Variants in COA1 observed in about 807,000 individuals in gnomAD.
COA1 encodes cytochrome c oxidase assembly factor 1 homolog.
A neutral mutation model predicts 16.0 loss-of-function variants in COA1; 13 were observed. The ratio of observed to expected loss-of-function variants is 0.81; its 90% CI spans 0.53 to 1.29. The LOEUF is 1.29. COA1 is among the 50% of genes most tolerant of loss of function. The probability of loss-of-function intolerance (pLI) is 0.00; values close to 1 mark genes in which losing one functional copy is unlikely to be tolerated. For missense variants in COA1, 179 were observed against 177.0 expected, an observed-to-expected ratio of 1.01 and a Z score of -0.06; for synonymous variants, 65 against 65.7, an observed-to-expected ratio of 0.99 and a Z score of 0.05.
rs1034513975 is a variant in COA1 at position 43,709,474 on chromosome 7, A to G, written c.-39+19955T>C. On this transcript the variant is annotated intron_variant, in intron 1 of 5. Coordinates refer to ENST00000223336, the MANE Select transcript of COA1 (RefSeq NM_018224.4). ...TGTGTGTGTGTGTGTGTGTGTGTGT[A>G]TACGCATGAACATGCATATATATAA... Among the ~76,000 whole-genome samples, 17 of 119,316 alleles carry G rather than the reference A, an allele frequency of 1.4e-4. No homozygotes were observed. The South Asian group carries it at 1.8e-3, about 13-fold the overall frequency. 78.3% of individuals were successfully genotyped at this position (119,316 alleles called of 152,430 possible).
intron 2 of COA1, 118 bp from the exon 3 acceptor site, chr7:43,647,752 C>T (rs1466806697): frequency 1.1e-5 from 8 of 708,274 alleles, no homozygotes; most frequent in African/African-American, 1.1e-4. Flanking sequence ...GAGGCCAGAC[C>T]GCCCTCCCTC....
chr7:43,637,322 C>T (rs2086060679), downstream of COA1, among the ~76,000 whole-genome samples: 1 of 152,186 alleles, frequency 6.6e-6, no homozygotes, highest in Admixed American at 6.5e-5. Context: ...GCAGCCTCTT[C>T]TATAGTAAAG....
intron 1 of COA1, among the ~76,000 whole-genome samples, chr7:43,724,123 A>G (rs998525613): frequency 2.6e-5 from 4 of 152,198 alleles, no homozygotes; most frequent in African/African-American, 9.7e-5. Context: ...TCCATGCCTA[A>G]ATTACACAAT....
At chr7:43,617,282 A>G (rs976582032) in intron 6 of COA1, among the ~76,000 whole-genome samples, 1 of 152,248 alleles carries the variant, frequency 6.6e-6, no homozygotes, top group Non-Finnish European at 1.5e-5. Flanking sequence ...AGGGGACAAC[A>G]GATCCAATTT....
intron 1 of COA1, among the ~76,000 whole-genome samples, chr7:43,669,866 C>G (rs557998882): frequency 6.6e-6 from 1 of 151,918 alleles, no homozygotes; most frequent in Non-Finnish European, 1.5e-5. Context: ...TTGGTTCACT[C>G]CCTGACGGAA....
rs935476371 is a variant in COA1 at position 43,648,362 on chromosome 7, G to C, written c.15+238C>G. On this transcript the variant is annotated intron_variant, in intron 2 of 5. Transcript: ENST00000223336. ...CAACAGGGTGAGGCAGCCAGACTGGGTTATGGAGAGGTTCCCAGAGTGTTA... is the reference window on the plus strand; with the variant it reads ...CAACAGGGTGAGGCAGCCAGACTGGCTTATGGAGAGGTTCCCAGAGTGTTA... The C allele has an allele frequency of 4.1e-5, 25 of 605,508 alleles. 1 individual carries two copies. In the South Asian group the frequency reaches 4.9e-4, roughly 12 times the overall value. 37.5% of individuals were successfully genotyped at this position (605,508 alleles called of 1,614,324 possible).
intron 1 of COA1, among the ~76,000 whole-genome samples, chr7:43,713,115 C>G (rs1285807552): frequency 6.6e-6 from 1 of 152,084 alleles, no homozygotes; most frequent in Non-Finnish European, 1.5e-5. Flanking sequence ...CCATGCCTGG[C>G]TAATTTTTGT....
chr7:43,634,555 T>G (rs2085551763), downstream of COA1, among the ~76,000 whole-genome samples: 1 of 152,176 alleles, frequency 6.6e-6, no homozygotes, highest in Non-Finnish European at 1.5e-5. Flanking sequence ...GGGGTGGGCC[T>G]CATTACCATC....
chr7:43,712,488 T>C (rs1222240929), intron 1 of COA1, among the ~76,000 whole-genome samples: 6 of 152,196 alleles, frequency 3.9e-5, no homozygotes, highest in Non-Finnish European at 8.8e-5. Flanking sequence ...TCCAAAGTCA[T>C]TCTGATTCCT....
chr7:43,691,257 AAAGAAAGAAAAGAAAGAAAGAAAGAAAG>A (rs2094278890), intron 1 of COA1, among the ~76,000 whole-genome samples: 1 of 31,846 alleles, frequency 3.1e-5, no homozygotes, highest in African/African-American at 2.4e-4. Context: ...TCAAAAAAAG[AAAGAAAGAAAAGAAAGAAAGAAAGAAAG>A]AAAGAAAGAA....
chr7:43,661,345 G>C (rs1446481288), intron 1 of COA1, among the ~76,000 whole-genome samples: 1 of 152,102 alleles, frequency 6.6e-6, no homozygotes, highest in Non-Finnish European at 1.5e-5. Flanking sequence ...CTAAGAAACA[G>C]ACCTTTCCAG....
chr7:43,697,982 C>T (rs1046068323), intron 1 of COA1, among the ~76,000 whole-genome samples: 7 of 152,084 alleles, frequency 4.6e-5, no homozygotes, highest in Admixed American at 1.3e-4. Flanking sequence ...CATGAGTTTC[C>T]GAATCACAGC....
chr7:43,686,392 C>A (rs941832984), intron 1 of COA1, among the ~76,000 whole-genome samples: 4 of 150,992 alleles, frequency 2.6e-5, no homozygotes, highest in African/African-American at 4.9e-5. Flanking sequence ...CTGCAAGCTC[C>A]GCCTTCCGGG....
intron 1 of COA1, among the ~76,000 whole-genome samples, chr7:43,712,262 A>G (rs1181585): frequency 0.71 from 107,501 of 151,806 alleles, 38,539 homozygotes; most frequent in African/African-American, 0.84. Context: ...ACAGGCGCCC[A>G]CCACCATGCC....
At position 43,644,755 on chromosome 7, in the gene COA1, TAGATAGGC is replaced by T. The variant is rs1198038466; in HGVS notation, c.264+488_264+495del. The stretch of plus-strand genomic sequence containing the variant: ...ATAGATAGATAGATAGATAGATAGA[TAGATAGGC>T]AGGCAGGCAGGCAGGCAGGCAGGCA... On this transcript the variant is annotated intron_variant, in intron 4 of 5. Coordinates refer to ENST00000223336, the MANE Select transcript of COA1 (RefSeq NM_018224.4). 3.8e-3 allele frequency among the ~76,000 whole-genome samples: 436 copies of T among 115,248 alleles called. 4 individuals carry two copies. The highest frequency in any genetic ancestry group is 8.5e-3 in the Middle Eastern group (2 of 236). 75.6% of individuals were successfully genotyped at this position (115,248 alleles called of 152,430 possible). A position where few individuals can be genotyped will look rare whatever the true frequency, so the allele number is the denominator to read the frequency against.
At chr7:43,651,449 A>G (rs893795603) in intron 1 of COA1, among the ~76,000 whole-genome samples, 1 of 152,022 alleles carries the variant, frequency 6.6e-6, no homozygotes, top group African/African-American at 2.4e-5. Context: ...AAAGTACTAA[A>G]CCCTTTCTAG....
chr7:43,657,976 G>C (rs1169822782), intron 1 of COA1, among the ~76,000 whole-genome samples: 1 of 152,124 alleles, frequency 6.6e-6, no homozygotes, highest in Non-Finnish European at 1.5e-5. Flanking sequence ...AGTGAGCCAA[G>C]ATCCTGCCAC....
intron 1 of COA1, among the ~76,000 whole-genome samples, chr7:43,695,221 C>T (rs1277129009): frequency 1.3e-5 from 2 of 150,858 alleles, no homozygotes; most frequent in African/African-American, 4.8e-5. Flanking sequence ...ACTGTTTCCT[C>T]TGCTCAAAAC....
intron 1 of COA1, among the ~76,000 whole-genome samples, chr7:43,722,645 C>T (rs1030977471): frequency 6.9e-6 from 1 of 144,790 alleles, no homozygotes; most frequent in African/African-American, 2.6e-5. Flanking sequence ...TCAAGTGATC[C>T]GACTGCCTTG....
Sources: allele counts gnomAD v4.1 joint callset (sites outside exome capture counted in the v4.1 genomes callset), GRCh38; gene constraint gnomAD v4.1.1; transcripts MANE v1.5; gene names NCBI Gene and HGNC (gene_info 2026-07-23, HGNC 2026-07-21).